KCNMB2: variants seen among roughly 807,000 people sequenced by gnomAD.
KCNMB2 encodes the protein potassium calcium-activated channel subfamily M regulatory beta subunit 2, also known as calcium-activated potassium channel subunit beta-2.
In KCNMB2, 9 loss-of-function variants were observed where a neutral mutation model predicts 24.5. That is an observed-to-expected ratio of 0.37 (90% CI 0.22 to 0.64). The LOEUF (loss-of-function observed/expected upper bound fraction) is 0.64. KCNMB2 is among the 30% of genes least tolerant of loss of function. KCNMB2 has a pLI of 0.63. For synonymous variants in KCNMB2, 109 were observed against 104.4 expected (o/e 1.04, Z -0.27); for missense variants, 226 against 284.3 (o/e 0.79, Z 1.47).
At chr3:178,758,040 AT>A (rs1560006439) in intron 1 of KCNMB2, among the ~76,000 whole-genome samples, 6 of 2,748 alleles carry the variant, frequency 2.2e-3, no homozygotes, top group South Asian at 0.031. Flanking sequence ...ATATATATAT[AT>A]CTAGATATAT....
chr3:178,836,029 G>A (rs1009749697), intron 4 of KCNMB2, among the ~76,000 whole-genome samples: 6 of 151,982 alleles, frequency 3.9e-5, no homozygotes, highest in Admixed American at 1.3e-4. Context: ...TTATAAAAAG[G>A]CAAATGAAGA....
At chr3:178,641,640 C>T (rs1246361213) in intron 1 of KCNMB2, among the ~76,000 whole-genome samples, 2 of 152,016 alleles carry the variant, frequency 1.3e-5, no homozygotes, top group Non-Finnish European at 2.9e-5. Flanking sequence ...TTTTTCCCCA[C>T]TTTGTATGCA....
At chr3:178,699,764 G>C (rs750775278) in intron 1 of KCNMB2, among the ~76,000 whole-genome samples, 2 of 152,202 alleles carry the variant, frequency 1.3e-5, no homozygotes, top group Non-Finnish European at 2.9e-5. Flanking sequence ...CCCTGACCGT[G>C]CTCCACTACA....
chr3:178,728,109 A>G (rs577665261), intron 1 of KCNMB2, among the ~76,000 whole-genome samples: 1 of 152,314 alleles, frequency 6.6e-6, no homozygotes, highest in South Asian at 2.1e-4. Flanking sequence ...TTGTTGCATC[A>G]TCACTCACAC....
intron 1 of KCNMB2, among the ~76,000 whole-genome samples, chr3:178,758,706 GGA>G (rs1360354018): frequency 2.9e-5 from 1 of 34,912 alleles, no homozygotes; most frequent in African/African-American, 1.2e-4. Context: ...CTCTACAAGA[GGA>G]GATATATATA....
At chr3:178,645,091 C>A (rs1412740233) in intron 1 of KCNMB2, among the ~76,000 whole-genome samples, 1 of 139,102 alleles carries the variant, frequency 7.2e-6, no homozygotes, top group African/African-American at 2.7e-5. Flanking sequence ...GCTCTTGTTG[C>A]CCAGACTGGA....
intron 2 of KCNMB2, among the ~76,000 whole-genome samples, 161 bp downstream of exon 2, chr3:178,807,626 TCTC>T (rs1714028125): frequency 6.6e-6 from 1 of 152,252 alleles, no homozygotes; most frequent in African/African-American, 2.4e-5. Flanking sequence ...TGGCCTTCCT[TCTC>T]CTTGCACTTT....
At chr3:178,642,198 T>C (rs1368102453) in intron 1 of KCNMB2, among the ~76,000 whole-genome samples, 1 of 152,214 alleles carries the variant, frequency 6.6e-6, no homozygotes, top group African/African-American at 2.4e-5. Context: ...ATATGGGATA[T>C]TTTGACATTG....
intron 1 of KCNMB2, among the ~76,000 whole-genome samples, chr3:178,628,716 A>G (rs995061467): frequency 1.3e-5 from 2 of 152,132 alleles, no homozygotes; most frequent in African/African-American, 4.8e-5. Context: ...TATATTAAGG[A>G]CCACTGTGTA....
At chr3:178,782,566 T>G (rs1185270122) in intron 1 of KCNMB2, among the ~76,000 whole-genome samples, 13 of 147,196 alleles carry the variant, frequency 8.8e-5, no homozygotes, top group Non-Finnish European at 1.5e-4. Context: ...TTTTCATGTG[T>G]TTTTTGGCTG....
rs1335954249 is a variant in KCNMB2 at position 178,778,466 on chromosome 3, A to ACGCACGTGCGCGCGCGCGCGCGCGCG, written c.-67-28876_-67-28875insGCACGTGCGCGCGCGCGCGCGCGCGC. Among the ~76,000 whole-genome samples the ACGCACGTGCGCGCGCGCGCGCGCGCG allele has an allele frequency of 6.2e-4, 55 of 88,538 alleles. 1 individual carries two copies. The highest frequency in any genetic ancestry group is 1.1e-3 in the Non-Finnish European group (46 of 41,624). 58.1% of individuals were successfully genotyped at this position (88,538 alleles called of 152,430 possible). On this transcript the variant is annotated intron_variant, in intron 1 of 4. Coordinates refer to ENST00000452583, the MANE Select transcript of KCNMB2 (RefSeq NM_181361.3). Reference sequence around the variant, plus strand: ...TTTCTACCCTTTAAGACACACACACACACACACACACACACACACACACAC... The same window carrying ACGCACGTGCGCGCGCGCGCGCGCGCG: ...TTTCTACCCTTTAAGACACACACACACGCACGTGCGCGCGCGCGCGCGCGCGCACACACACACACACACACACACAC...
At chr3:178,709,657 A>G (rs757867690) in intron 1 of KCNMB2, among the ~76,000 whole-genome samples, 13 of 152,206 alleles carry the variant, frequency 8.5e-5, no homozygotes, top group Non-Finnish European at 1.5e-4. Context: ...CATTCAGTTA[A>G]GTTCAGTGAC....
At position 178,793,515 on chromosome 3, in the gene KCNMB2, G is replaced by GGGA. The variant is rs1553778501; in HGVS notation, c.-67-13826_-67-13825insAGG. 1.7e-4 allele frequency among the ~76,000 whole-genome samples: 21 copies of GGGA among 120,864 alleles called. No individual in the cohort carries two copies. The South Asian group carries it at 5.7e-3, about 33-fold the overall frequency. 79.3% of individuals were successfully genotyped at this position (120,864 alleles called of 152,430 possible). A position where few individuals can be genotyped will look rare whatever the true frequency, so the allele number is the denominator to read the frequency against. On this transcript the variant is annotated intron_variant, in intron 1 of 4. Transcript: ENST00000452583. ...CCAAGCGGAAGCTGCTCTTCACCCT[G>GGGA]GGGGGGTGGGCAATGGACAGCAGAA... is the stretch of plus-strand genomic sequence containing the variant.
intron 1 of KCNMB2, among the ~76,000 whole-genome samples, chr3:178,754,150 G>GTGTATATATATA (rs1553773711): frequency 9.4e-6 from 1 of 106,282 alleles, no homozygotes; most frequent in African/African-American, 3.8e-5. Flanking sequence ...ATATTCCATT[G>GTGTATATATATA]TATATATATA....
chr3:178,606,207 A>T (rs1342705225), intron 1 of KCNMB2, among the ~76,000 whole-genome samples: 3 of 152,174 alleles, frequency 2.0e-5, no homozygotes, highest in African/African-American at 4.8e-5. Flanking sequence ...ATTGAAGACA[A>T]GGGAAGAAGA....
intron 4 of KCNMB2, among the ~76,000 whole-genome samples, chr3:178,828,860 T>C (rs1385697119): frequency 6.6e-6 from 1 of 151,944 alleles, no homozygotes; most frequent in African/African-American, 2.4e-5. Flanking sequence ...TGCAAGGTCC[T>C]TATGAAGATG....
At chr3:178,733,967 A>C (rs7631279) in intron 1 of KCNMB2, among the ~76,000 whole-genome samples, 5,303 of 152,260 alleles carry the variant, frequency 0.035, 319 homozygotes, top group African/African-American at 0.12. Flanking sequence ...TGTATTTTAA[A>C]AGCAGAGCCA....
intron 1 of KCNMB2, among the ~76,000 whole-genome samples, chr3:178,786,734 T>C (rs1206835868): frequency 2.6e-5 from 4 of 151,304 alleles, no homozygotes; most frequent in Non-Finnish European, 5.9e-5. Context: ...ACTTAAAGTA[T>C]AATAATAAAG....
At chr3:178,545,973 G>C (rs1354725614) in intron 1 of KCNMB2, among the ~76,000 whole-genome samples, 1 of 152,120 alleles carries the variant, frequency 6.6e-6, no homozygotes, top group Non-Finnish European at 1.5e-5. Flanking sequence ...TGGTGCTTGG[G>C]AACAGCCATG....
Sources: gnomAD v4.1 joint callset for allele counts (sites outside exome capture counted in the v4.1 genomes callset) on GRCh38, gnomAD v4.1.1 for gene constraint, MANE v1.5 for transcripts, NCBI Gene and HGNC (gene_info 2026-07-23, HGNC 2026-07-21) for gene names.